CDH8: variants seen among roughly 807,000 people sequenced by gnomAD.
CDH8 encodes cadherin 8, also known as cadherin-8.
In CDH8, 17 loss-of-function variants were observed where a neutral mutation model predicts 68.1. The observed-to-expected ratio is 0.25, with a 90% CI of 0.17 to 0.37. The LOEUF (loss-of-function observed/expected upper bound fraction) is 0.37, where lower values mean the gene tolerates loss of function less well. Ranked by LOEUF, CDH8 falls within the 10% of genes least tolerant of loss-of-function variation. The probability of loss-of-function intolerance (pLI) is 1.00; values close to 1 mark genes in which losing one functional copy is unlikely to be tolerated. For synonymous variants in CDH8, 372 were observed against 365.1 expected (o/e 1.02, Z -0.21); for missense variants, 763 against 999.3 (o/e 0.76, Z 3.19).
intron 2 of CDH8, among the ~76,000 whole-genome samples, chr16:61,997,021 GTA>G (rs1459711860): frequency 3.0e-4 from 45 of 152,144 alleles, no homozygotes; most frequent in African/African-American, 9.6e-4. Context: ...GTGTGTGTGT[GTA>G]TGTGTGTGTT....
chr16:61,873,363 C>T (rs1030457656), intron 3 of CDH8, among the ~76,000 whole-genome samples: 4 of 152,014 alleles, frequency 2.6e-5, no homozygotes, highest in African/African-American at 7.2e-5. Flanking sequence ...AAATTGTGGA[C>T]GACACAGGCT....
At chr16:61,672,464 C>A (rs1012591909) in intron 10 of CDH8, among the ~76,000 whole-genome samples, 1 of 151,874 alleles carries the variant, frequency 6.6e-6, no homozygotes, top group Non-Finnish European at 1.5e-5. Flanking sequence ...TGACTGTGTT[C>A]ACATTACTAA....
chr16:61,790,410 C>T (rs1961351639), intron 7 of CDH8, among the ~76,000 whole-genome samples: 1 of 151,982 alleles, frequency 6.6e-6, no homozygotes, highest in Non-Finnish European at 1.5e-5. Context: ...ACAAGGTGGA[C>T]TATTGGCCCG....
chr16:61,846,167 C>G (rs1233085389), intron 4 of CDH8, among the ~76,000 whole-genome samples: 3 of 152,096 alleles, frequency 2.0e-5, no homozygotes, highest in Admixed American at 2.0e-4. Context: ...ACTAATGATA[C>G]TGGTAATTCA....
chr16:61,964,913 C>T (rs1372856664), intron 2 of CDH8, among the ~76,000 whole-genome samples: 1 of 152,138 alleles, frequency 6.6e-6, no homozygotes, highest in South Asian at 2.1e-4. Flanking sequence ...CAATAAAATC[C>T]GAATTCCTGA....
At chr16:61,764,015 G>T (rs568773298) in intron 8 of CDH8, among the ~76,000 whole-genome samples, 15 of 152,216 alleles carry the variant, frequency 9.9e-5, no homozygotes, top group African/African-American at 3.6e-4. Context: ...TTTAGGATGA[G>T]AAATACATAT....
intron 8 of CDH8, among the ~76,000 whole-genome samples, chr16:61,752,648 G>C (rs1407129354): frequency 6.6e-6 from 1 of 152,068 alleles, no homozygotes; most frequent in African/African-American, 2.4e-5. Flanking sequence ...TTCCTGAATA[G>C]TATTTTGTCT....
At chr16:61,707,228 A>G (rs1391029152) in intron 10 of CDH8, among the ~76,000 whole-genome samples, 3 of 152,222 alleles carry the variant, frequency 2.0e-5, no homozygotes, top group Non-Finnish European at 1.5e-5. Flanking sequence ...ATTTTAATAG[A>G]GAGGAAGAGG....
At chr16:61,809,407 G>A (rs1961885894) in intron 7 of CDH8, among the ~76,000 whole-genome samples, 1 of 152,012 alleles carries the variant, frequency 6.6e-6, no homozygotes. Flanking sequence ...GACACAGGGA[G>A]GACATCACAT....
At chr16:61,733,040 C>G (rs536198907) in intron 8 of CDH8, among the ~76,000 whole-genome samples, 2 of 151,640 alleles carry the variant, frequency 1.3e-5, no homozygotes, top group Non-Finnish European at 3.0e-5. Context: ...TTTAAAAACA[C>G]AATATTATAT....
At chr16:61,991,950 G>A (rs1487394455) in intron 2 of CDH8, among the ~76,000 whole-genome samples, 1 of 152,002 alleles carries the variant, frequency 6.6e-6, no homozygotes. Context: ...GACAGCGGGG[G>A]ATTTAACACG....
intron 2 of CDH8, among the ~76,000 whole-genome samples, chr16:61,910,251 T>G (rs995778670): frequency 1.3e-5 from 2 of 151,478 alleles, no homozygotes; most frequent in African/African-American, 4.8e-5. Context: ...TAAAAATACA[T>G]CAAGAATGCT....
chr16:61,683,489 T>C (rs1964049638), intron 10 of CDH8, among the ~76,000 whole-genome samples: 1 of 152,020 alleles, frequency 6.6e-6, no homozygotes, highest in South Asian at 2.1e-4. Flanking sequence ...TACATTTTAA[T>C]TTCTGTATCT....
At chr16:61,775,596 T>A (rs971334083) in intron 8 of CDH8, among the ~76,000 whole-genome samples, 2 of 152,106 alleles carry the variant, frequency 1.3e-5, no homozygotes, top group African/African-American at 4.8e-5. Context: ...TGTAAAGTGC[T>A]TGCTCACCGG....
intron 8 of CDH8, among the ~76,000 whole-genome samples, chr16:61,753,986 A>G (rs113640741): frequency 6.6e-6 from 1 of 152,276 alleles, no homozygotes. Context: ...AAATGAAGAA[A>G]CTACATATGC....
At chr16:61,893,903 T>C (rs759234381) in intron 3 of CDH8, among the ~76,000 whole-genome samples, 9 of 152,170 alleles carry the variant, frequency 5.9e-5, no homozygotes, top group Non-Finnish European at 7.4e-5. Context: ...TGACTGTAGA[T>C]AGAATGATGG....
chr16:61,720,010 C>T (rs931737310), intron 9 of CDH8, among the ~76,000 whole-genome samples: 1 of 151,094 alleles, frequency 6.6e-6, no homozygotes, highest in African/African-American at 2.4e-5. Context: ...CACACACACA[C>T]ACACACACAC....
At chr16:61,779,203 C>T (rs532229588) in intron 8 of CDH8, among the ~76,000 whole-genome samples, 1 of 152,274 alleles carries the variant, frequency 6.6e-6, no homozygotes, top group South Asian at 2.1e-4. Flanking sequence ...CACACCATCA[C>T]GTTCTCTGTG....
At position 61,821,386 on chromosome 16, in the gene CDH8, T is replaced by C. The variant is rs9936531; in HGVS notation, c.836-273A>G. Among the ~76,000 whole-genome samples, 1,395 of 152,164 alleles carry C rather than the reference T, an allele frequency of 9.2e-3. 30 individuals are homozygous for C. The highest frequency in any genetic ancestry group is 0.032 in the African/African-American group (1,317 of 41,524). ...CTCAACCATATGTTTACCAAGTGTA[T>C]ATTTGGAGCAGTTATATCAAGACTA... On this transcript the variant is annotated intron_variant, in intron 5 of 11. Transcript: ENST00000577390.
Sources: allele counts gnomAD v4.1 joint callset (sites outside exome capture counted in the v4.1 genomes callset), GRCh38; gene constraint gnomAD v4.1.1; transcripts MANE v1.5; gene names NCBI Gene and HGNC (gene_info 2026-07-23, HGNC 2026-07-21).